CHL1: variants seen among roughly 807,000 people sequenced by gnomAD.
The protein encoded by CHL1 is neural cell adhesion molecule L1-like protein.
In CHL1, 96 loss-of-function variants were observed where a neutral mutation model predicts 141.9. That is an observed-to-expected ratio of 0.68 (90% CI 0.57 to 0.80). The LOEUF (loss-of-function observed/expected upper bound fraction) is 0.80, where lower values mean the gene tolerates loss of function less well. CHL1 is among the 30% of genes least tolerant of loss of function. CHL1 has a pLI of 0.00. For synonymous variants in CHL1, 613 were observed against 502.2 expected, an observed-to-expected ratio of 1.22 and a Z score of -2.95; for missense variants, 1,820 against 1,457.2, an observed-to-expected ratio of 1.25 and a Z score of -4.05.
chr3:376,498 G>A, intron 15 of CHL1: 1 of 476,368 alleles, frequency 2.1e-6, no homozygotes, highest in South Asian at 1.6e-5. Context: ...AGGCACCTAA[G>A]ATACATTTGT....
chr3:222,547 C>A (rs1700941232), intron 1 of CHL1, among the ~76,000 whole-genome samples: 1 of 152,104 alleles, frequency 6.6e-6, no homozygotes. Flanking sequence ...CTTTGACGGA[C>A]ATTACATGAT....
intron 1 of CHL1, among the ~76,000 whole-genome samples, chr3:210,365 C>T (rs1225706644): frequency 6.6e-6 from 1 of 152,200 alleles, no homozygotes; most frequent in Non-Finnish European, 1.5e-5. Context: ...TCTTCTGCCC[C>T]ATTTGGTGAC....
intron 10 of CHL1, among the ~76,000 whole-genome samples, chr3:350,631 C>G (rs571274088): frequency 6.0e-5 from 9 of 150,206 alleles, no homozygotes; most frequent in South Asian, 2.1e-4. Context: ...GACTCAGACA[C>G]AAATTCTCCT....
At chr3:212,960 A>T (rs1700020857) in intron 1 of CHL1, among the ~76,000 whole-genome samples, 1 of 152,234 alleles carries the variant, frequency 6.6e-6, no homozygotes, top group Admixed American at 6.5e-5. Flanking sequence ...ATACTAACTT[A>T]AAATGAAGGT....
intron 13 of CHL1, among the ~76,000 whole-genome samples, chr3:362,481 A>G (rs1362169673): frequency 6.6e-6 from 1 of 152,176 alleles, no homozygotes; most frequent in Non-Finnish European, 1.5e-5. Context: ...TTTTCAAAAT[A>G]CTAGATTGAA....
At chr3:332,956 T>C (rs917287137) in intron 5 of CHL1, among the ~76,000 whole-genome samples, 1 of 151,780 alleles carries the variant, frequency 6.6e-6, no homozygotes, top group African/African-American at 2.4e-5. Flanking sequence ...CAGAATTTGG[T>C]TTAAGATTCT....
chr3:227,579 G>C (rs2125020571), intron 1 of CHL1, among the ~76,000 whole-genome samples: 1 of 152,324 alleles, frequency 6.6e-6, no homozygotes, highest in Middle Eastern at 3.4e-3. Context: ...AAAATAGTCT[G>C]AATTCTGGAG....
intron 1 of CHL1, among the ~76,000 whole-genome samples, chr3:239,590 TATATAAA>T (rs1692350939): frequency 1.0e-5 from 1 of 98,522 alleles, no homozygotes; most frequent in South Asian, 2.7e-4. Context: ...AAACAGTATA[TATATAAA>T]ATATATATAT....
intron 2 of CHL1, among the ~76,000 whole-genome samples, chr3:287,632 A>C (rs943380498): frequency 4.6e-4 from 70 of 152,202 alleles, no homozygotes; most frequent in African/African-American, 1.4e-3. Flanking sequence ...CATAGAACTA[A>C]CTGGATTTAG....
intron 2 of CHL1, among the ~76,000 whole-genome samples, chr3:276,656 G>A (rs527272867): frequency 7.9e-5 from 12 of 152,002 alleles, no homozygotes; most frequent in Non-Finnish European, 1.6e-4. Context: ...TTGGGAGGCC[G>A]AGGGGGGCGG....
At chr3:338,298 G>A (rs965746845) in intron 5 of CHL1, among the ~76,000 whole-genome samples, 2 of 152,088 alleles carry the variant, frequency 1.3e-5, no homozygotes, top group Admixed American at 1.3e-4. Context: ...GCAAGATAAA[G>A]GAGTGTAATT....
Position 333,129 on chromosome 3 carries a change from TTTTA to T in CHL1, c.385+4779_385+4782del, listed in dbSNP as rs1225439652. The stretch of plus-strand genomic sequence containing the variant: ...CGTTGTTGGATAATTGCTCTATTTT[TTTTA>T]TTTTTTTTTTTTGCTGCTGCTGCAG... On this transcript the variant is annotated intron_variant, in intron 5 of 27. Transcript: ENST00000256509. Among the ~76,000 whole-genome samples, 263 of 105,664 alleles carry T rather than the reference TTTTA, an allele frequency of 2.5e-3. 50 individuals carry two copies. The highest frequency in any genetic ancestry group is 5.3e-3 in the African/African-American group (136 of 25,596). 69.3% of individuals were successfully genotyped at this position (105,664 alleles called of 152,430 possible).
At chr3:257,494 C>G (rs1694284055) in intron 2 of CHL1, among the ~76,000 whole-genome samples, 1 of 152,052 alleles carries the variant, frequency 6.6e-6, no homozygotes, top group Non-Finnish European at 1.5e-5. Flanking sequence ...GCTGGGATTA[C>G]AGGTGCCTGC....
intron 2 of CHL1, among the ~76,000 whole-genome samples, chr3:295,271 G>A (rs1698084151): frequency 6.6e-6 from 1 of 152,178 alleles, no homozygotes; most frequent in Non-Finnish European, 1.5e-5. Context: ...AACAGTCACA[G>A]AACCAAAAAG....
At chr3:326,882 A>G (rs896231152) in intron 4 of CHL1, among the ~76,000 whole-genome samples, 16 of 151,950 alleles carry the variant, frequency 1.1e-4, no homozygotes, top group African/African-American at 3.9e-4. Flanking sequence ...ATGGGTTGAT[A>G]TTTAATAATC....
chr3:212,591 C>T (rs1390907280), intron 1 of CHL1, among the ~76,000 whole-genome samples: 2 of 152,190 alleles, frequency 1.3e-5, no homozygotes, highest in Non-Finnish European at 2.9e-5. Context: ...TCACTTTGAC[C>T]ATGATGTCAC....
intron 17 of CHL1, 37 bp downstream of exon 17, chr3:382,317 G>T: frequency 6.4e-7 from 1 of 1,569,094 alleles, no homozygotes; most frequent in Non-Finnish European, 8.7e-7. Flanking sequence ...CATTACTCTA[G>T]ATAGTCAAAA....
At chr3:390,342 A>C (rs1415702466) in intron 20 of CHL1, among the ~76,000 whole-genome samples, 1 of 152,166 alleles carries the variant, frequency 6.6e-6, no homozygotes, top group African/African-American at 2.4e-5. Context: ...ATATGCTCAA[A>C]TGTTAGCTGT....
chr3:332,319 T>G (rs1701504113), intron 5 of CHL1, among the ~76,000 whole-genome samples: 2 of 152,208 alleles, frequency 1.3e-5, no homozygotes, highest in African/African-American at 4.8e-5. Context: ...TTTTGATTGG[T>G]ATAATTTTAT....
Sources: allele counts gnomAD v4.1 joint callset (sites outside exome capture counted in the v4.1 genomes callset), GRCh38; gene constraint gnomAD v4.1.1; transcripts MANE v1.5; gene names NCBI Gene and HGNC (gene_info 2026-07-23, HGNC 2026-07-21).